Variants in CCDC85A observed in about 807,000 individuals in gnomAD.
CCDC85A encodes the protein coiled-coil domain containing 85A.
Under a neutral mutation model 50.2 loss-of-function variants are expected in CCDC85A, and 38 were observed. That is an observed-to-expected ratio of 0.76 (90% confidence interval 0.58 to 0.99). The LOEUF is 0.99. Ranked by LOEUF, CCDC85A falls within the 50% of genes least tolerant of loss-of-function variation. The probability of loss-of-function intolerance (pLI) is 0.00; values close to 1 mark genes in which losing one functional copy is unlikely to be tolerated. For missense variants in CCDC85A, 820 were observed against 742.0 expected (o/e 1.11, Z -1.22); for synonymous variants, 366 against 301.4 (o/e 1.21, Z -2.22).
At chr2:56,272,299 A>G (rs1192361381) in intron 2 of CCDC85A, among the ~76,000 whole-genome samples, 1 of 152,142 alleles carries the variant, frequency 6.6e-6, no homozygotes, top group East Asian at 1.9e-4. Flanking sequence ...AGAAAGTATT[A>G]CCTACCATCC....
intron 2 of CCDC85A, among the ~76,000 whole-genome samples, chr2:56,280,353 T>C (rs1013765623): frequency 4.6e-5 from 7 of 152,226 alleles, no homozygotes; most frequent in Non-Finnish European, 1.0e-4. Context: ...TAAAGACGTC[T>C]CAAGTTCAGT....
At chr2:56,222,137 A>G (rs779751458) in intron 2 of CCDC85A, among the ~76,000 whole-genome samples, 7 of 152,124 alleles carry the variant, frequency 4.6e-5, no homozygotes, top group African/African-American at 7.2e-5. Flanking sequence ...CACATGAACT[A>G]TGGGGGACAT....
chr2:56,234,232 G>C (rs1668900803), intron 2 of CCDC85A, among the ~76,000 whole-genome samples: 1 of 152,142 alleles, frequency 6.6e-6, no homozygotes, highest in Non-Finnish European at 1.5e-5. Flanking sequence ...ATCTCTGGCT[G>C]CTTCTCTTTT....
chr2:56,184,719 C>T lies in CCDC85A; in HGVS notation c.95C>T (p.Pro32Leu), dbSNP rs1675922285. The change falls in exon 1 of 6, where the codon CCG becomes CTG. Residue 32 changes from proline to leucine, a missense_variant. Coordinates refer to ENST00000407595, the MANE Select transcript of CCDC85A (RefSeq NM_001080433.2). ...PAGSSAAPPA[P>L]VEDLSKVSDE... is the part of the protein sequence containing the mutation. ...GGCTCGTCCGCGGCCCCGCCCGCGC[C>T]GGTGGAGGACCTGTCCAAAGTGTCG... 9.1e-6 allele frequency: 14 copies of T among 1,530,816 alleles called. No homozygotes were observed. Among genetic ancestry groups the T allele is most frequent in the Middle Eastern group, 2.1e-4 (1 of 4,678 alleles). The allele number at this position is 1,530,816 out of a possible 1,614,324, so 94.8% of individuals were successfully genotyped here.
intron 4 of CCDC85A, among the ~76,000 whole-genome samples, chr2:56,374,322 C>G (rs182982120): frequency 5.6e-4 from 85 of 152,052 alleles, no homozygotes; most frequent in Non-Finnish European, 8.8e-4. Flanking sequence ...GCAGGGGGAG[C>G]CTTTGAGGAC....
Position 56,281,304 on chromosome 2 carries a change from G to T in CCDC85A, c.1241-61575G>T, listed in dbSNP as rs114451439. On this transcript the variant is annotated intron_variant, in intron 2 of 5. Transcript: ENST00000407595. ...TAAAAAATATTTTTTCTATTCAAAT[G>T]TGTACCAATTTGTTTATATACGGTT... Among the ~76,000 whole-genome samples, 47 of 152,202 alleles carry T rather than the reference G, an allele frequency of 3.1e-4. 1 individual carries two copies. The East Asian group carries it at 7.3e-3, about 24-fold the overall frequency.
At chr2:56,287,664 A>C (rs574030394) in intron 2 of CCDC85A, among the ~76,000 whole-genome samples, 1 of 152,284 alleles carries the variant, frequency 6.6e-6, no homozygotes, top group Non-Finnish European at 1.5e-5. Context: ...ATCTACACCA[A>C]ACTCACCCTT....
At chr2:56,365,665 A>C (rs943401713) in intron 3 of CCDC85A, among the ~76,000 whole-genome samples, 13 of 152,320 alleles carry the variant, frequency 8.5e-5, no homozygotes, top group African/African-American at 2.6e-4. Flanking sequence ...TTACATCTTT[A>C]CTGTGTACAA....
intron 2 of CCDC85A, among the ~76,000 whole-genome samples, chr2:56,242,252 T>C (rs1669295271): frequency 1.3e-5 from 2 of 152,198 alleles, no homozygotes; most frequent in African/African-American, 4.8e-5. Flanking sequence ...GATAGTGTAT[T>C]AGGCCATTCT....
chr2:56,379,359 C>G (rs996503308), intron 5 of CCDC85A, among the ~76,000 whole-genome samples: 1 of 152,132 alleles, frequency 6.6e-6, no homozygotes, highest in African/African-American at 2.4e-5. Flanking sequence ...GTCTACATAT[C>G]ATTTGGACCA....
chr2:56,216,316 A>G (rs576194920), intron 2 of CCDC85A, among the ~76,000 whole-genome samples: 1 of 151,940 alleles, frequency 6.6e-6, no homozygotes, highest in Admixed American at 6.6e-5. Context: ...TGGATATTCC[A>G]GATTACATTC....
intron 2 of CCDC85A, among the ~76,000 whole-genome samples, chr2:56,292,297 A>G (rs1671749043): frequency 6.6e-6 from 1 of 151,940 alleles, no homozygotes. Flanking sequence ...GTTAGCCAGG[A>G]TGGTCTCAAT....
chr2:56,326,018 T>A (rs1673451257), intron 2 of CCDC85A, among the ~76,000 whole-genome samples: 1 of 152,130 alleles, frequency 6.6e-6, no homozygotes, highest in Non-Finnish European at 1.5e-5. Flanking sequence ...AGTATAATGA[T>A]AAGGAAGAGG....
intron 2 of CCDC85A, among the ~76,000 whole-genome samples, chr2:56,285,452 AATTAATTATATT>A (rs1671396182): frequency 8.5e-6 from 1 of 117,104 alleles, no homozygotes; most frequent in African/African-American, 2.9e-5. Context: ...TTAATAATAT[AATTAATTATATT>A]ATTAATTATA....
chr2:56,219,010 C>G (rs1440067045), intron 2 of CCDC85A, among the ~76,000 whole-genome samples: 2 of 151,282 alleles, frequency 1.3e-5, no homozygotes, highest in Non-Finnish European at 3.0e-5. Flanking sequence ...CTGTGAAGCT[C>G]TGAATTCTCC....
intron 2 of CCDC85A, among the ~76,000 whole-genome samples, chr2:56,295,173 C>T (rs1573197005): frequency 6.6e-6 from 1 of 152,132 alleles, no homozygotes; most frequent in East Asian, 1.9e-4. Context: ...TCCCTAAATG[C>T]CCCATCCCCA....
At chr2:56,291,258 G>T (rs573285861) in intron 2 of CCDC85A, among the ~76,000 whole-genome samples, 2 of 152,282 alleles carry the variant, frequency 1.3e-5, no homozygotes, top group South Asian at 4.1e-4. Context: ...ACCATATTGT[G>T]GGTTCTCATT....
At chr2:56,227,055 GT>G (rs1558594138) in intron 2 of CCDC85A, among the ~76,000 whole-genome samples, 1 of 152,068 alleles carries the variant, frequency 6.6e-6, no homozygotes, top group East Asian at 1.9e-4. Context: ...GAGTGACATT[GT>G]TTTATTTTTA....
chr2:56,315,444 T>A (rs1204350810), intron 2 of CCDC85A, among the ~76,000 whole-genome samples: 1 of 152,142 alleles, frequency 6.6e-6, no homozygotes, highest in Non-Finnish European at 1.5e-5. Flanking sequence ...TGAAAATATT[T>A]ACTCATATAG....
Sources: allele counts gnomAD v4.1 joint callset (sites outside exome capture counted in the v4.1 genomes callset), GRCh38; gene constraint gnomAD v4.1.1; transcripts MANE v1.5; gene names NCBI Gene and HGNC (gene_info 2026-07-23, HGNC 2026-07-21).